RGS6: variants seen among roughly 807,000 people sequenced by gnomAD.
RGS6 encodes regulator of G protein signaling 6.
In RGS6, 30 loss-of-function variants were observed where a neutral mutation model predicts 78.5. The observed-to-expected ratio is 0.38, with a 90% CI of 0.29 to 0.52. RGS6 has a LOEUF of 0.52. Ranked by LOEUF, RGS6 falls within the 20% of genes least tolerant of loss-of-function variation. RGS6 has a pLI of 0.85. For missense variants in RGS6, 495 were observed against 609.7 expected (o/e 0.81, Z 1.98); for synonymous variants, 206 against 206.0 (o/e 1.00, Z 0.00).
chr14:72,086,013 T>C (rs996886928), intron 2 of RGS6, among the ~76,000 whole-genome samples: 3 of 152,050 alleles, frequency 2.0e-5, no homozygotes, highest in Non-Finnish European at 4.4e-5. Flanking sequence ...TTTCCTGTCC[T>C]CTTCTTGCTT....
chr14:72,319,317 C>T (rs147598928), intron 2 of RGS6, among the ~76,000 whole-genome samples: 2 of 151,924 alleles, frequency 1.3e-5, no homozygotes, highest in African/African-American at 4.8e-5. Flanking sequence ...GAAACATACA[C>T]TGATGTAGCT....
chr14:72,328,874 A>AT (rs1473094575), intron 2 of RGS6, among the ~76,000 whole-genome samples: 16 of 152,114 alleles, frequency 1.1e-4, no homozygotes, highest in Admixed American at 4.6e-4. Context: ...ATTTTATTTT[A>AT]TTTATTTATT....
chr14:72,145,060 G>A (rs1157361229), intron 2 of RGS6, among the ~76,000 whole-genome samples: 1 of 152,054 alleles, frequency 6.6e-6, no homozygotes, highest in African/African-American at 2.4e-5. Flanking sequence ...GGGTGGAATG[G>A]CAGAATTGGT....
intron 3 of RGS6, among the ~76,000 whole-genome samples, chr14:72,443,071 G>C (rs933526210): frequency 2.6e-5 from 4 of 152,168 alleles, no homozygotes; most frequent in Non-Finnish European, 4.4e-5. Context: ...GGGCAGAAAG[G>C]CTAAATTATA....
intron 2 of RGS6, among the ~76,000 whole-genome samples, chr14:72,005,036 A>C (rs1264390456): frequency 6.6e-6 from 1 of 152,210 alleles, no homozygotes; most frequent in Non-Finnish European, 1.5e-5. Flanking sequence ...ACAGAAGAGT[A>C]TGTAAAAATG....
chr14:72,039,293 A>C (rs2092118690), intron 2 of RGS6, among the ~76,000 whole-genome samples: 1 of 152,156 alleles, frequency 6.6e-6, no homozygotes, highest in African/African-American at 2.4e-5. Flanking sequence ...CGCAAAGATA[A>C]GCTGGTAGTT....
chr14:72,431,232 C>A (rs2094619174), intron 3 of RGS6, among the ~76,000 whole-genome samples: 2 of 152,158 alleles, frequency 1.3e-5, no homozygotes, highest in South Asian at 4.1e-4. Flanking sequence ...TGGACTGTAA[C>A]CACCTGCTCC....
At chr14:72,015,153 C>T (rs2086681636) in intron 2 of RGS6, among the ~76,000 whole-genome samples, 1 of 152,108 alleles carries the variant, frequency 6.6e-6, no homozygotes, top group Admixed American at 6.5e-5. Flanking sequence ...CTGAGGGCTC[C>T]CAGCTGCTTC....
intron 2 of RGS6, among the ~76,000 whole-genome samples, chr14:72,132,307 C>T (rs1157002246): frequency 8.1e-5 from 12 of 148,904 alleles, no homozygotes; most frequent in Non-Finnish European, 1.6e-4. Flanking sequence ...GGTGGAGTCT[C>T]ACTCTGTTGC....
chr14:72,203,065 C>T (rs916171982), intron 2 of RGS6, among the ~76,000 whole-genome samples: 1 of 151,978 alleles, frequency 6.6e-6, no homozygotes, highest in East Asian at 1.9e-4. Flanking sequence ...TTAGTGGAGA[C>T]AGGGTTTCAC....
the RGS6 span, among the ~76,000 whole-genome samples, chr14:71,891,407 C>T: frequency 6.6e-6 from 1 of 152,176 alleles, no homozygotes; most frequent in African/African-American, 2.4e-5. Flanking sequence ...GCGAGGAGCT[C>T]AGCTGGGACT....
In RGS6 at chr14:72,030,820, G is replaced by C. The variant is rs559570239; in HGVS notation, c.84+65945G>C. 3.3e-5 allele frequency among the ~76,000 whole-genome samples: 5 copies of C among 152,268 alleles called. No individual in the cohort carries two copies. In the South Asian group the frequency reaches 1.0e-3, roughly 32 times the overall value. On this transcript the variant is annotated intron_variant, in intron 2 of 17. Coordinates refer to ENST00000553525, the MANE Select transcript of RGS6 (RefSeq NM_001204424.2). ...AATAGGCTTTACAGCCAAAAGTAAA[G>C]TCATTTTTTCCTGACCAGTGACTTA...
chr14:72,250,511 C>T (rs2055472993), intron 2 of RGS6, among the ~76,000 whole-genome samples: 1 of 151,284 alleles, frequency 6.6e-6, no homozygotes, highest in Non-Finnish European at 1.5e-5. Flanking sequence ...ATCATAGTAT[C>T]TGAGAAAGAA....
chr14:72,337,434 A>G (rs1053191989), intron 2 of RGS6, among the ~76,000 whole-genome samples: 5 of 152,014 alleles, frequency 3.3e-5, no homozygotes, highest in Non-Finnish European at 5.9e-5. Context: ...AGGAGAAGAG[A>G]AGGACCCTAT....
At chr14:71,912,054 G>A in the RGS6 span, among the ~76,000 whole-genome samples, 3 of 152,278 alleles carry the variant, frequency 2.0e-5, no homozygotes, top group Middle Eastern at 3.4e-3. Context: ...AAAGCATCCC[G>A]TAAGCAGCCT....
intron 3 of RGS6, among the ~76,000 whole-genome samples, chr14:72,386,763 G>A (rs1023364598): frequency 2.0e-5 from 3 of 152,132 alleles, no homozygotes; most frequent in Non-Finnish European, 2.9e-5. Flanking sequence ...AATAAAAAGT[G>A]CAATCAAATA....
chr14:72,093,099 A>T (rs925354638), intron 2 of RGS6, among the ~76,000 whole-genome samples: 49 of 152,072 alleles, frequency 3.2e-4, no homozygotes, highest in African/African-American at 1.2e-3. Flanking sequence ...CAGCCCTGGA[A>T]GCAGAACATG....
intron 3 of RGS6, among the ~76,000 whole-genome samples, chr14:72,382,585 T>C (rs1241887856): frequency 6.6e-6 from 1 of 152,156 alleles, no homozygotes; most frequent in Admixed American, 6.5e-5. Context: ...GCATCTCCAC[T>C]CCAAGGAATA....
At chr14:71,909,340 C>T in the RGS6 span, among the ~76,000 whole-genome samples, 1 of 152,102 alleles carries the variant, frequency 6.6e-6, no homozygotes, top group East Asian at 1.9e-4. Context: ...TGTATCGGGA[C>T]CCTCTCTTCG....
Sources: allele counts gnomAD v4.1 joint callset (sites outside exome capture counted in the v4.1 genomes callset), GRCh38; gene constraint gnomAD v4.1.1; transcripts MANE v1.5; gene names NCBI Gene and HGNC (gene_info 2026-07-23, HGNC 2026-07-21).